The following GNA14 variants were observed in gnomAD, a reference collection of about 807,000 sequenced individuals.
GNA14 encodes G protein subunit alpha 14.
GNA14 carries 50 observed loss-of-function variants against 42.0 expected under a neutral mutation model. The observed-to-expected ratio is 1.19, with a 90% confidence interval of 0.95 to 1.51. The LOEUF (loss-of-function observed/expected upper bound fraction) is 1.51, where lower values mean the gene tolerates loss of function less well. Ranked by LOEUF, GNA14 falls within the 40% of genes most tolerant of loss-of-function variation. The probability of loss-of-function intolerance (pLI) is 0.00; values close to 1 mark genes in which losing one functional copy is unlikely to be tolerated. For synonymous variants in GNA14, 173 were observed against 163.1 expected (o/e 1.06, Z -0.46); for missense variants, 473 against 446.2 (o/e 1.06, Z -0.54).
intron 1 of GNA14, among the ~76,000 whole-genome samples, chr9:77,614,132 G>T (rs1255133185): frequency 6.6e-6 from 1 of 152,046 alleles, no homozygotes. Context: ...TTCATGGTTG[G>T]CCAGCTTTCC....
At chr9:77,592,847 C>T (rs1420793034) in intron 1 of GNA14, among the ~76,000 whole-genome samples, 2 of 152,196 alleles carry the variant, frequency 1.3e-5, no homozygotes, top group Non-Finnish European at 2.9e-5. Context: ...GAACTCATAA[C>T]TGGACTGTGC....
At chr9:77,542,752 T>C (rs145515724) in intron 1 of GNA14, among the ~76,000 whole-genome samples, 1 of 152,248 alleles carries the variant, frequency 6.6e-6, no homozygotes, top group Non-Finnish European at 1.5e-5. Context: ...ATCAGCAGGT[T>C]GGGTGAGCCC....
intron 1 of GNA14, among the ~76,000 whole-genome samples, chr9:77,551,506 C>T (rs1365247633): frequency 8.3e-6 from 1 of 120,078 alleles, no homozygotes; most frequent in African/African-American, 2.5e-5. Flanking sequence ...TGCGCAGACA[C>T]TCACCCACCC....
At chr9:77,628,595 C>A (rs188967181) in intron 1 of GNA14, among the ~76,000 whole-genome samples, 2 of 152,194 alleles carry the variant, frequency 1.3e-5, no homozygotes, top group Admixed American at 1.3e-4. Context: ...ACATCTAGAG[C>A]CATCTGATCC....
chr9:77,640,767 G>C (rs1824244174), intron 1 of GNA14, among the ~76,000 whole-genome samples: 1 of 148,972 alleles, frequency 6.7e-6, no homozygotes, highest in Non-Finnish European at 1.5e-5. Context: ...TCCAATAAAA[G>C]GAAGCAGAGC....
At chr9:77,611,062 G>A (rs1823721868) in intron 1 of GNA14, among the ~76,000 whole-genome samples, 1 of 152,298 alleles carries the variant, frequency 6.6e-6, no homozygotes, top group Admixed American at 6.5e-5. Flanking sequence ...ACTGGATCTA[G>A]TCTGAGCTTC....
At chr9:77,521,171 GACA>G (rs1837349991) in intron 2 of GNA14, among the ~76,000 whole-genome samples, 1 of 152,144 alleles carries the variant, frequency 6.6e-6, no homozygotes, top group South Asian at 2.1e-4. Context: ...TTGTTGTTGT[GACA>G]ACAGGTAGAG....
At chr9:77,476,502 C>T (rs962237837) in intron 2 of GNA14, among the ~76,000 whole-genome samples, 11 of 152,132 alleles carry the variant, frequency 7.2e-5, no homozygotes, top group African/African-American at 2.2e-4. Flanking sequence ...AGAGGGTCCA[C>T]ATATAGAAAC....
At chr9:77,506,101 CA>C (rs200965790) in intron 2 of GNA14, among the ~76,000 whole-genome samples, 16 of 143,964 alleles carry the variant, frequency 1.1e-4, no homozygotes, top group South Asian at 6.6e-4. Flanking sequence ...CCATCCTCTA[CA>C]AAAAAAAAAT....
chr9:77,452,592 G>GT (rs1835925972), intron 2 of GNA14, among the ~76,000 whole-genome samples: 1 of 113,534 alleles, frequency 8.8e-6, no homozygotes, highest in Non-Finnish European at 1.7e-5. Context: ...GTATGTGTGT[G>GT]TGTGGTGTGT....
intron 1 of GNA14, among the ~76,000 whole-genome samples, chr9:77,585,674 G>C (rs1823291115): frequency 6.6e-6 from 1 of 152,164 alleles, no homozygotes; most frequent in Admixed American, 6.5e-5. Context: ...CTCACCTAAA[G>C]TGTGGTATGA....
chr9:77,457,707 C>A (rs969294804), intron 2 of GNA14, among the ~76,000 whole-genome samples: 1 of 152,162 alleles, frequency 6.6e-6, no homozygotes, highest in African/African-American at 2.4e-5. Flanking sequence ...GCTATAGACA[C>A]CCTCACGCCG....
At chr9:77,521,130 A>G (rs1027471422) in intron 2 of GNA14, among the ~76,000 whole-genome samples, 16 of 152,348 alleles carry the variant, frequency 1.1e-4, no homozygotes, top group South Asian at 2.1e-4. Flanking sequence ...GCTCCTGCCT[A>G]GAATTTTGGT....
intron 1 of GNA14, among the ~76,000 whole-genome samples, chr9:77,540,424 G>C (rs1055783330): frequency 1.3e-5 from 2 of 152,130 alleles, no homozygotes; most frequent in Non-Finnish European, 2.9e-5. Context: ...TCCATGTGCT[G>C]ATAAGAAGAA....
At chr9:77,475,435 G>C (rs945844485) in intron 2 of GNA14, among the ~76,000 whole-genome samples, 1 of 152,210 alleles carries the variant, frequency 6.6e-6, no homozygotes, top group Admixed American at 6.5e-5. Context: ...CTGTCCTTGA[G>C]TAGTTATTGT....
chr9:77,632,930 G>C (rs1485650117), intron 1 of GNA14, among the ~76,000 whole-genome samples: 1 of 152,158 alleles, frequency 6.6e-6, no homozygotes, highest in Non-Finnish European at 1.5e-5. Flanking sequence ...CAAGCTCAAT[G>C]GGCCTTAGCA....
rs148913196 is a variant in GNA14, at chr9:77,507,340, T to A, written c.309+21729A>T. 1.6e-4 allele frequency among the ~76,000 whole-genome samples: 24 copies of A among 152,322 alleles called. No individual in the cohort carries two copies. In the East Asian group the frequency reaches 3.7e-3, roughly 23 times the overall value. ...GTTGGGGTGAGGAAGAGGTCAGGTC[T>A]CAAAAGGAAGTTATTTCCCCAACTT... On this transcript the variant is annotated intron_variant, in intron 2 of 6. Coordinates refer to ENST00000341700, the MANE Select transcript of GNA14 (RefSeq NM_004297.4).
In GNA14 at chr9:77,474,334, GA is replaced by G. The variant is rs1240565366; in HGVS notation, c.310-39813del. Among the ~76,000 whole-genome samples, 4 of 152,026 alleles carry G rather than the reference GA, an allele frequency of 2.6e-5. No individual in the cohort carries two copies. In the East Asian group the frequency reaches 5.8e-4, roughly 22 times the overall value. ...AAGAATAAGAATGCAATTTTAAAATGAAAAAAATTTGATTAGGCATTTCTAC... is the reference window on the plus strand; with the variant it reads ...AAGAATAAGAATGCAATTTTAAAATGAAAAAATTTGATTAGGCATTTCTAC... On this transcript the variant is annotated intron_variant, in intron 2 of 6. Coordinates refer to ENST00000341700, the MANE Select transcript of GNA14 (RefSeq NM_004297.4).
intron 1 of GNA14, among the ~76,000 whole-genome samples, chr9:77,627,911 G>C (rs57530447): frequency 6.6e-6 from 1 of 151,560 alleles, no homozygotes; most frequent in Non-Finnish European, 1.5e-5. Flanking sequence ...GCAAGAGAAA[G>C]AAAAAAAGGG....
Sources: gnomAD v4.1 joint callset for allele counts (sites outside exome capture counted in the v4.1 genomes callset) on GRCh38, gnomAD v4.1.1 for gene constraint, MANE v1.5 for transcripts, NCBI Gene and HGNC (gene_info 2026-07-23, HGNC 2026-07-21) for gene names.